The following RAPGEF2 variants were observed in gnomAD, a reference collection of about 807,000 sequenced individuals.
The protein encoded by RAPGEF2 is PDZ domain containing guanine nucleotide exchange factor (GEF) 1.
In RAPGEF2, 54 loss-of-function variants were observed where a neutral mutation model predicts 186.7. The ratio of observed to expected loss-of-function variants is 0.29; its 90% CI spans 0.23 to 0.36. The LOEUF (loss-of-function observed/expected upper bound fraction) is 0.36, where lower values mean the gene tolerates loss of function less well. Ranked by LOEUF, RAPGEF2 falls within the 10% of genes least tolerant of loss-of-function variation. The pLI is 1.00. For synonymous variants in RAPGEF2, 712 were observed against 705.9 expected (o/e 1.01, Z -0.14); for missense variants, 1,532 against 2,045.0 (o/e 0.75, Z 4.84).
chr4:159,117,850 A>T (rs1207554892), intron 1 of RAPGEF2, among the ~76,000 whole-genome samples: 1 of 152,206 alleles, frequency 6.6e-6, no homozygotes, highest in Non-Finnish European at 1.5e-5. Flanking sequence ...TGTTTAATAC[A>T]ACATAAACTT....
chr4:159,233,731 C>T (rs1029322910), intron 4 of RAPGEF2, among the ~76,000 whole-genome samples: 2 of 151,762 alleles, frequency 1.3e-5, no homozygotes, highest in Non-Finnish European at 2.9e-5. Flanking sequence ...ACTTATGTAA[C>T]CAAGTGCCAC....
chr4:159,146,608 A>G (rs1742990751), intron 1 of RAPGEF2, among the ~76,000 whole-genome samples: 1 of 152,330 alleles, frequency 6.6e-6, no homozygotes, highest in African/African-American at 2.4e-5. Flanking sequence ...CTGTAATATG[A>G]TGCTGTCTGT....
chr4:159,142,497 A>G (rs1490927884), intron 1 of RAPGEF2, among the ~76,000 whole-genome samples: 2 of 151,606 alleles, frequency 1.3e-5, no homozygotes, highest in East Asian at 3.9e-4. Context: ...GGGTTGACTT[A>G]CCAGAATACT....
chr4:159,304,424 G>C lies in RAPGEF2; in HGVS notation c.626G>C (p.Cys209Ser), dbSNP rs1302902611. 1 of 1,601,886 alleles carries C rather than the reference G, an allele frequency of 6.2e-7. No individual in the cohort carries two copies. The highest frequency in any genetic ancestry group is 8.6e-7 in the Non-Finnish European group (1 of 1,169,274). The change falls in exon 8 of 30, where the codon TGT (cysteine) becomes TCT (serine). Residue 209 changes from cysteine (C) to serine (S), a missense_variant. Physicochemically the swap from Cys to Ser is moderately radical, Grantham distance 112. Around this residue, in one of 4 missense-constraint regions of RAPGEF2, gnomAD observed 810 missense variants for 1,210.5 expected, o/e 0.67. Transcript: ENST00000691494. The stretch of plus-strand genomic sequence containing the variant: ...CACGTTTCTTCTAGCCATTCAGGAT[G>C]TAGTATCACTAGTGATTCTGGGAGC... ...VTHVSSSHSG[C>S]SITSDSGSSS...
At chr4:159,157,543 T>C (rs1278969098) in intron 1 of RAPGEF2, among the ~76,000 whole-genome samples, 1 of 152,216 alleles carries the variant, frequency 6.6e-6, no homozygotes, top group Non-Finnish European at 1.5e-5. Flanking sequence ...TAACTGACTA[T>C]GTCTGTTAGC....
chr4:159,121,106 G>A (rs1037593563), intron 1 of RAPGEF2, among the ~76,000 whole-genome samples: 1 of 152,120 alleles, frequency 6.6e-6, no homozygotes, highest in Non-Finnish European at 1.5e-5. Context: ...GCCTGCCTTG[G>A]CCTCCTAAAG....
intron 11 of RAPGEF2, chr4:159,327,502 A>C (rs766299832): frequency 6.6e-6 from 1 of 152,198 alleles, no homozygotes; most frequent in Non-Finnish European, 1.5e-5. Context: ...AAAATACAAA[A>C]AAATTACCTG....
intron 7 of RAPGEF2, among the ~76,000 whole-genome samples, chr4:159,297,514 T>C (rs1454307926): frequency 2.6e-5 from 4 of 152,230 alleles, no homozygotes; most frequent in African/African-American, 9.6e-5. Context: ...AAGAGAGTAA[T>C]TGAACTATAA....
chr4:159,204,075 C>T (rs947579372), intron 3 of RAPGEF2, among the ~76,000 whole-genome samples: 1 of 152,216 alleles, frequency 6.6e-6, no homozygotes, highest in African/African-American at 2.4e-5. Flanking sequence ...TCATCTGATC[C>T]GATTTACCTG....
intron 7 of RAPGEF2, chr4:159,267,876 G>A: frequency 1.8e-6 from 2 of 1,119,136 alleles, no homozygotes; most frequent in Non-Finnish European, 2.2e-6. Flanking sequence ...AAGACTGAGA[G>A]CTGTGTGAGG....
chr4:159,316,389 G>C (rs544897748), intron 9 of RAPGEF2, among the ~76,000 whole-genome samples: 1 of 151,764 alleles, frequency 6.6e-6, no homozygotes, highest in African/African-American at 2.4e-5. Flanking sequence ...TCATGTCCTC[G>C]GTCTCTTGCC....
intron 9 of RAPGEF2, among the ~76,000 whole-genome samples, chr4:159,318,619 T>G (rs953520593): frequency 3.3e-5 from 5 of 152,236 alleles, no homozygotes; most frequent in African/African-American, 1.2e-4. Flanking sequence ...CTTTATCATA[T>G]TAATTTTTAC....
intron 7 of RAPGEF2, among the ~76,000 whole-genome samples, chr4:159,268,374 C>T (rs1443848801): frequency 1.3e-5 from 2 of 152,014 alleles, no homozygotes; most frequent in African/African-American, 4.8e-5. Flanking sequence ...CTGGCTTGTT[C>T]TTCCAATGTT....
At chr4:159,156,836 C>A (rs1231572862) in intron 1 of RAPGEF2, among the ~76,000 whole-genome samples, 1 of 152,046 alleles carries the variant, frequency 6.6e-6, no homozygotes, top group African/African-American at 2.4e-5. Context: ...TAAGAAAAAC[C>A]CCCAAACCCA....
chr4:159,335,278 G>T (rs1767243237), intron 17 of RAPGEF2, among the ~76,000 whole-genome samples: 1 of 152,158 alleles, frequency 6.6e-6, no homozygotes, highest in Non-Finnish European at 1.5e-5. Flanking sequence ...AGTAGAAAAA[G>T]ACTAATGAAC....
chr4:159,293,155 A>T (rs1010230914), intron 7 of RAPGEF2, among the ~76,000 whole-genome samples: 1 of 152,206 alleles, frequency 6.6e-6, no homozygotes, highest in Non-Finnish European at 1.5e-5. Flanking sequence ...TATGAAGATG[A>T]TATAATTAAA....
At chr4:159,110,775 T>C (rs1302155566) in intron 1 of RAPGEF2, among the ~76,000 whole-genome samples, 1 of 152,152 alleles carries the variant, frequency 6.6e-6, no homozygotes, top group Non-Finnish European at 1.5e-5. Flanking sequence ...TGGCATTGAG[T>C]CTTTGAGAAC....
intron 3 of RAPGEF2, among the ~76,000 whole-genome samples, chr4:159,199,105 G>A (rs1297275860): frequency 6.9e-6 from 1 of 145,538 alleles, no homozygotes; most frequent in Non-Finnish European, 1.5e-5. Context: ...TAATTTATTT[G>A]AAAAAATGGC....
rs937470508 is a variant in RAPGEF2, at chr4:159,341,473, A to G, written c.2535-91A>G. On this transcript the variant is annotated intron_variant, in intron 19 of 29. Transcript: ENST00000691494. ...CATAATTCAAATCAGTGCTCTCTCA[A>G]ACTTTCCATAAAAAGTAGCATTATT... 13 of 1,349,774 alleles carry G rather than the reference A, an allele frequency of 9.6e-6. No individual in the cohort carries two copies. The Admixed American group carries it at 1.3e-4, about 13-fold the overall frequency. The allele number at this position is 1,349,774 out of a possible 1,614,324, so 83.6% of individuals were successfully genotyped here.
Sources: allele counts gnomAD v4.1 joint callset (sites outside exome capture counted in the v4.1 genomes callset), GRCh38; gene constraint gnomAD v4.1.1; regional missense constraint gnomAD v4.1.1; transcripts MANE v1.5; gene names NCBI Gene and HGNC (gene_info 2026-07-23, HGNC 2026-07-21).